Variants in RGS7 observed in about 807,000 individuals in gnomAD.
RGS7 encodes the protein regulator of G-protein signaling 7.
A neutral mutation model predicts 81.1 loss-of-function variants in RGS7; 27 were observed. That is an observed-to-expected ratio of 0.33 (90% CI 0.25 to 0.46). RGS7 has a LOEUF of 0.46. Ranked by LOEUF, RGS7 falls within the 20% of genes least tolerant of loss-of-function variation. The pLI is 1.00. For missense variants in RGS7, 396 were observed against 607.4 expected (o/e 0.65, Z 3.66); for synonymous variants, 208 against 207.7 (o/e 1.00, Z -0.01).
At chr1:240,890,791 G>C (rs1668165534) in intron 6 of RGS7, among the ~76,000 whole-genome samples, 1 of 152,130 alleles carries the variant, frequency 6.6e-6, no homozygotes, top group Admixed American at 6.5e-5. Context: ...CTAATAAATG[G>C]CTGCATTGGA....
chr1:241,050,535 T>C (rs2061192450), intron 3 of RGS7, among the ~76,000 whole-genome samples: 1 of 152,152 alleles, frequency 6.6e-6, no homozygotes, highest in Non-Finnish European at 1.5e-5. Flanking sequence ...GTACATATAT[T>C]ATTGAACATT....
At chr1:241,165,359 T>C (rs921899768) in intron 2 of RGS7, among the ~76,000 whole-genome samples, 2 of 152,036 alleles carry the variant, frequency 1.3e-5, no homozygotes, top group Non-Finnish European at 2.9e-5. Flanking sequence ...CTATTCACAA[T>C]AGCAAAGACT....
intron 2 of RGS7, among the ~76,000 whole-genome samples, chr1:241,170,194 G>A (rs1383692314): frequency 6.6e-6 from 1 of 151,922 alleles, no homozygotes; most frequent in African/African-American, 2.4e-5. Context: ...AGACTTTTCT[G>A]TACAATGTGT....
At chr1:241,001,925 T>C (rs140715549) in intron 3 of RGS7, among the ~76,000 whole-genome samples, 19 of 152,250 alleles carry the variant, frequency 1.2e-4, no homozygotes, top group South Asian at 4.1e-4. Context: ...CCCTGTGTGA[T>C]AATGATGAAC....
intron 10 of RGS7, among the ~76,000 whole-genome samples, chr1:240,817,793 G>C (rs188835332): frequency 6.6e-6 from 1 of 152,126 alleles, no homozygotes; most frequent in Non-Finnish European, 1.5e-5. Flanking sequence ...AGTAGAGATG[G>C]GGTTTCACCA....
chr1:241,230,712 G>C (rs555153327), intron 2 of RGS7, among the ~76,000 whole-genome samples: 93 of 152,272 alleles, frequency 6.1e-4, no homozygotes, highest in African/African-American at 2.1e-3. Context: ...AGAAGGCTGG[G>C]ACCAGGCCCC....
chr1:241,221,006 A>AGAAAGG (rs1553289481), intron 2 of RGS7, among the ~76,000 whole-genome samples: 66 of 84,644 alleles, frequency 7.8e-4, no homozygotes, highest in Non-Finnish European at 1.1e-3. Context: ...AGAGAGAGAG[A>AGAAAGG]AAGGAAGGAA....
At chr1:240,820,226 A>G (rs1691524764) in intron 10 of RGS7, among the ~76,000 whole-genome samples, 1 of 152,194 alleles carries the variant, frequency 6.6e-6, no homozygotes, top group African/African-American at 2.4e-5. Flanking sequence ...GCTGGGGAAA[A>G]TCAAATTAAC....
intron 3 of RGS7, among the ~76,000 whole-genome samples, chr1:241,094,361 A>G (rs868131171): frequency 9.2e-5 from 14 of 152,240 alleles, no homozygotes; most frequent in African/African-American, 3.1e-4. Flanking sequence ...TCTATAATGT[A>G]CATACACCAC....
intron 3 of RGS7, among the ~76,000 whole-genome samples, chr1:241,016,497 A>G (rs193144353): frequency 6.6e-6 from 1 of 152,262 alleles, no homozygotes; most frequent in African/African-American, 2.4e-5. Context: ...TAACCTGGTG[A>G]AAGAGTGAGA....
intron 9 of RGS7, among the ~76,000 whole-genome samples, chr1:240,853,981 G>A (rs935617474): frequency 3.5e-5 from 5 of 143,514 alleles, no homozygotes; most frequent in East Asian, 2.1e-4. Flanking sequence ...TGCTGATTAC[G>A]AAACATACAA....
intron 9 of RGS7, among the ~76,000 whole-genome samples, chr1:240,854,815 G>A (rs868489439): frequency 2.6e-5 from 4 of 151,730 alleles, no homozygotes; most frequent in East Asian, 1.9e-4. Flanking sequence ...TCCCCTCCCC[G>A]GCCTACACGG....
intron 9 of RGS7, among the ~76,000 whole-genome samples, chr1:240,833,134 T>A (rs1283695463): frequency 6.6e-6 from 1 of 151,984 alleles, no homozygotes; most frequent in Non-Finnish European, 1.5e-5. Flanking sequence ...GGCTTTGGGG[T>A]CATTCTGAAG....
In RGS7 at chr1:241,015,859, T is replaced by G. The variant is rs76403431; in HGVS notation, c.176-32730A>C. On this transcript the variant is annotated intron_variant, in intron 3 of 18. Coordinates refer to ENST00000440928, the MANE Select transcript of RGS7 (RefSeq NM_001364886.1). ...TCAGATCAAAGTAAGGCATTGACTT[T>G]TTTCTGATCTCCCACATTTTAGTTG... Among the ~76,000 whole-genome samples, 1,297 of 152,350 alleles carry G rather than the reference T, an allele frequency of 8.5e-3. 18 individuals carry two copies. The highest frequency in any genetic ancestry group is 0.03 in the African/African-American group (1,241 of 41,584).
chr1:241,106,261 T>C (rs933677543), intron 2 of RGS7, among the ~76,000 whole-genome samples: 1 of 152,222 alleles, frequency 6.6e-6, no homozygotes, highest in Non-Finnish European at 1.5e-5. Flanking sequence ...CCCCATGTTA[T>C]AGTTTATTGC....
intron 3 of RGS7, among the ~76,000 whole-genome samples, chr1:241,034,357 C>T (rs1277151517): frequency 6.6e-6 from 1 of 152,192 alleles, no homozygotes; most frequent in Non-Finnish European, 1.5e-5. Context: ...TAGACCTTTA[C>T]TGAAGTTATG....
intron 6 of RGS7, among the ~76,000 whole-genome samples, chr1:240,885,846 T>C (rs1667260293): frequency 6.6e-6 from 1 of 152,094 alleles, no homozygotes; most frequent in African/African-American, 2.4e-5. Context: ...ACCAAACCCC[T>C]GTGACACGAG....
chr1:241,191,290 T>C (rs1199618613), intron 2 of RGS7, among the ~76,000 whole-genome samples: 1 of 152,198 alleles, frequency 6.6e-6, no homozygotes, highest in Non-Finnish European at 1.5e-5. Context: ...CCACTATTGT[T>C]ATTTTTATGA....
downstream of RGS7, among the ~76,000 whole-genome samples, chr1:240,775,033 A>C (rs1242172754): frequency 6.6e-6 from 1 of 152,170 alleles, no homozygotes; most frequent in East Asian, 1.9e-4. Flanking sequence ...GTATCTGAGG[A>C]GGTCCAGGAA....
Sources: allele counts gnomAD v4.1 joint callset (sites outside exome capture counted in the v4.1 genomes callset), GRCh38; gene constraint gnomAD v4.1.1; transcripts MANE v1.5; gene names NCBI Gene and HGNC (gene_info 2026-07-23, HGNC 2026-07-21).